Variants in CLASP1 observed in about 807,000 individuals in gnomAD.
The protein encoded by CLASP1 is CLIP-associating protein 1.
In CLASP1, 38 loss-of-function variants were observed where a neutral mutation model predicts 192.3. The ratio of observed to expected loss-of-function variants is 0.20; its 90% confidence interval spans 0.15 to 0.26. CLASP1 has a LOEUF of 0.26. Among genes scored for constraint, CLASP1 ranks in the 10% least tolerant of loss-of-function variants. The pLI is 1.00. For synonymous variants in CLASP1, 691 were observed against 712.8 expected, an observed-to-expected ratio of 0.97 and a Z score of 0.49; for missense variants, 1,433 against 1,932.5, an observed-to-expected ratio of 0.74 and a Z score of 4.85.
At chr2:121,544,907 C>CTTTTTTT (rs3078562) in intron 2 of CLASP1, among the ~76,000 whole-genome samples, 5 of 122,880 alleles carry the variant, frequency 4.1e-5, no homozygotes, top group Non-Finnish European at 5.3e-5. Context: ...CTTTTCTTTT[C>CTTTTTTT]TTTTTTTTTT....
intron 6 of CLASP1, among the ~76,000 whole-genome samples, chr2:121,516,536 A>T (rs1304343614): frequency 6.6e-6 from 1 of 152,256 alleles, no homozygotes; most frequent in African/African-American, 2.4e-5. Flanking sequence ...AAACTAAGAA[A>T]GCAGCATGAA....
chr2:121,584,627 A>G (rs1284008612), intron 2 of CLASP1, among the ~76,000 whole-genome samples: 3 of 152,120 alleles, frequency 2.0e-5, no homozygotes, highest in Admixed American at 1.3e-4. Context: ...GTACCCCACA[A>G]TTCTTTTTTT....
intron 16 of CLASP1, among the ~76,000 whole-genome samples, chr2:121,450,330 C>CAAAAAAAAAAA (rs879572403): frequency 8.1e-6 from 1 of 124,204 alleles, no homozygotes. Flanking sequence ...GACTCTATCT[C>CAAAAAAAAAAA]AAAAAAAAAA....
intron 1 of CLASP1, among the ~76,000 whole-genome samples, chr2:121,642,668 G>A (rs1407593329): frequency 1.3e-5 from 2 of 152,082 alleles, no homozygotes; most frequent in Non-Finnish European, 2.9e-5. Flanking sequence ...GGAGGCGGAG[G>A]TTGCAGTAAG....
exon 40 of CLASP1, chr2:121,339,073 A>C (rs13395135): frequency 0.022 from 3,314 of 152,614 alleles, 128 homozygotes; most frequent in African/African-American, 0.075. Flanking sequence ...CAAGTTCCCT[A>C]AACAGCAGCA....
intron 2 of CLASP1, among the ~76,000 whole-genome samples, chr2:121,590,386 AG>A (rs2062245570): frequency 6.6e-6 from 1 of 152,250 alleles, no homozygotes; most frequent in South Asian, 2.1e-4. Flanking sequence ...GTACAGAAAA[AG>A]AAATGAAAGC....
At chr2:121,570,871 TCCCAGGTGTC>T (rs1055490060) in intron 2 of CLASP1, among the ~76,000 whole-genome samples, 2 of 152,010 alleles carry the variant, frequency 1.3e-5, no homozygotes, top group African/African-American at 4.8e-5. Flanking sequence ...CCTGGCTGAT[TCCCAGGTGTC>T]CCCTCCCACT....
intron 2 of CLASP1, chr2:121,530,771 T>C (rs1264161872): frequency 1.8e-6 from 1 of 557,416 alleles, no homozygotes; most frequent in Non-Finnish European, 3.2e-6. Flanking sequence ...CTGTGGAGGC[T>C]GGAGGTAAGC....
intron 32 of CLASP1, among the ~76,000 whole-genome samples, chr2:121,383,456 C>T (rs2072266847): frequency 6.6e-6 from 1 of 152,120 alleles, no homozygotes; most frequent in East Asian, 1.9e-4. Context: ...CAGGTGACAC[C>T]TCAGGCTGGG....
chr2:121,363,961 C>G (rs578191231), intron 36 of CLASP1, among the ~76,000 whole-genome samples: 30 of 152,340 alleles, frequency 2.0e-4, no homozygotes, highest in Admixed American at 9.1e-4. Context: ...GTACAGTTCA[C>G]ACACTAATAC....
chr2:121,648,948 C>T (rs1383305748), intron 1 of CLASP1, among the ~76,000 whole-genome samples: 1 of 152,200 alleles, frequency 6.6e-6, no homozygotes, highest in Admixed American at 6.5e-5. Flanking sequence ...ACCCATCACT[C>T]GCCAATGACT....
At chr2:121,370,156 A>T (rs923620645) in intron 34 of CLASP1, among the ~76,000 whole-genome samples, 1 of 152,068 alleles carries the variant, frequency 6.6e-6, no homozygotes, top group Non-Finnish European at 1.5e-5. Context: ...CATTCATCCT[A>T]TTGGCTTGTC....
chr2:121,534,906 T>C (rs1017990465), intron 2 of CLASP1, among the ~76,000 whole-genome samples: 3 of 152,120 alleles, frequency 2.0e-5, no homozygotes, highest in African/African-American at 7.2e-5. Context: ...AAGTGAAAAC[T>C]AGCAGAAACA....
At chr2:121,506,167 T>C (rs968725269) in intron 7 of CLASP1, among the ~76,000 whole-genome samples, 7 of 152,088 alleles carry the variant, frequency 4.6e-5, no homozygotes, top group African/African-American at 1.4e-4. Flanking sequence ...AAAGAAAACA[T>C]TGGCAAAAAC....
intron 8 of CLASP1, among the ~76,000 whole-genome samples, chr2:121,500,380 GAAAGAAAGAAAGAAA>G (rs2093704085): frequency 3.7e-5 from 4 of 109,124 alleles, no homozygotes; most frequent in African/African-American, 1.5e-4. Flanking sequence ...AAGAAAGAAA[GAAAGAAAGAAAGAAA>G]GAAAAGAAAG....
At chr2:121,498,201 C>CTTTTTT (rs70954551) in intron 8 of CLASP1, among the ~76,000 whole-genome samples, 4 of 119,092 alleles carry the variant, frequency 3.4e-5, no homozygotes, top group Admixed American at 8.5e-5. Context: ...GTAATAGTTT[C>CTTTTTT]TTTTTTTTTT....
intron 1 of CLASP1, among the ~76,000 whole-genome samples, chr2:121,643,638 CA>C (rs1007937192): frequency 6.6e-6 from 1 of 151,830 alleles, no homozygotes; most frequent in African/African-American, 2.4e-5. Flanking sequence ...TATAAATCTA[CA>C]AAAAAAGGGT....
At chr2:121,401,754 T>C (rs2076178048) in intron 27 of CLASP1, 82 bp from the exon 29 acceptor site, 2 of 1,218,756 alleles carry the variant, frequency 1.6e-6, no homozygotes, top group Non-Finnish European at 2.4e-6. Context: ...AAAATGCCCA[T>C]ACGTGCTTTG....
chr2:121,554,439 T>C (rs1367658487), intron 2 of CLASP1, among the ~76,000 whole-genome samples: 1 of 126,554 alleles, frequency 7.9e-6, no homozygotes, highest in Non-Finnish European at 1.6e-5. Context: ...AGGAAGACCC[T>C]GCCTCTACAA....
Sources: allele counts gnomAD v4.1 joint callset (sites outside exome capture counted in the v4.1 genomes callset), GRCh38; gene constraint gnomAD v4.1.1; transcripts MANE v1.5; gene names NCBI Gene and HGNC (gene_info 2026-07-23, HGNC 2026-07-21).